PBK: variants seen among roughly 807,000 people sequenced by gnomAD.
PBK encodes PDZ binding kinase.
Under a neutral mutation model 33.5 loss-of-function variants are expected in PBK, and 22 were observed. The ratio of observed to expected loss-of-function variants is 0.66; its 90% CI spans 0.47 to 0.94. PBK has a LOEUF of 0.94. Among genes scored for constraint, PBK ranks in the 40% least tolerant of loss-of-function variants. The pLI is 0.00. For missense variants in PBK, 376 were observed against 383.4 expected, an observed-to-expected ratio of 0.98 and a Z score of 0.16; for synonymous variants, 129 against 123.8, an observed-to-expected ratio of 1.04 and a Z score of -0.28.
chr8:27,830,433 G>A (rs1260353426), intron 2 of PBK, among the ~76,000 whole-genome samples: 1 of 152,048 alleles, frequency 6.6e-6, no homozygotes, highest in Non-Finnish European at 1.5e-5. Context: ...TATCAAAAAT[G>A]AAGCAAAGAG....
intron 6 of PBK, among the ~76,000 whole-genome samples, chr8:27,816,995 C>T (rs1315022865): frequency 1.3e-5 from 2 of 152,028 alleles, no homozygotes; most frequent in African/African-American, 2.4e-5. Context: ...TTTCCCAGTA[C>T]ATAAATGTTA....
intron 3 of PBK, among the ~76,000 whole-genome samples, chr8:27,825,842 A>G (rs1806015326): frequency 1.3e-5 from 2 of 152,212 alleles, no homozygotes. Context: ...AAGAAAACCA[A>G]GCAAAAAAGA....
chr8:27,829,171 A>G (rs1806082009), intron 2 of PBK, among the ~76,000 whole-genome samples: 2 of 152,236 alleles, frequency 1.3e-5, no homozygotes, highest in Non-Finnish European at 2.9e-5. Context: ...CCAAGTACTT[A>G]TCCGCACATA....
At chr8:27,822,856 T>C (rs547900202) in intron 4 of PBK, among the ~76,000 whole-genome samples, 2 of 152,272 alleles carry the variant, frequency 1.3e-5, no homozygotes, top group Admixed American at 1.3e-4. Flanking sequence ...AATTATTATA[T>C]CTGTTCTCAT....
At chr8:27,822,256 T>G in intron 5 of PBK, 63 bp downstream of exon 5, 1 of 1,204,216 alleles carries the variant, frequency 8.3e-7, no homozygotes, top group South Asian at 1.4e-5. Flanking sequence ...TGCAAAGTGA[T>G]TATTTGTTCA....
At chr8:27,829,606 G>A (rs1228568609) in intron 2 of PBK, among the ~76,000 whole-genome samples, 20 of 152,198 alleles carry the variant, frequency 1.3e-4, no homozygotes, top group Admixed American at 3.3e-4. Context: ...GGTGGCTCAC[G>A]CCTGTAATCC....
chr8:27,810,905 T>C (rs1178539366), intron 7 of PBK, 53 bp downstream of exon 7: 1 of 1,149,240 alleles, frequency 8.7e-7, no homozygotes, highest in Non-Finnish European at 1.3e-6. Context: ...AATTATATAA[T>C]CTTTAGTGTG....
chr8:27,810,962 A>G lies in PBK; in HGVS notation c.768T>C (p.Asp256=). The G allele has an allele frequency of 6.7e-6, 10 of 1,497,628 alleles. No individual in the cohort carries two copies. The highest frequency in any genetic ancestry group is 9.3e-6 in the Non-Finnish European group (10 of 1,076,278). 92.8% of individuals were successfully genotyped at this position (1,497,628 alleles called of 1,614,324 possible). A position where few individuals can be genotyped will look rare whatever the true frequency, so the allele number is the denominator to read the frequency against. ...TGTTAGAAATTGTATTCATACCTTCATCATCATCATCATTTGAAAGATTAA... is the reference window on the plus strand; with the variant it reads ...TGTTAGAAATTGTATTCATACCTTCGTCATCATCATCATTTGAAAGATTAA... ...PHINLSNDDD[D]EDKTFDESDF... is the part of the protein sequence containing the mutation. Residue 256 remains aspartate, a synonymous_variant, in exon 7 of 8, where the codon GAT becomes GAC. Transcript: ENST00000301905.
intron 6 of PBK, chr8:27,812,755 C>G (rs2128961259): frequency 6.6e-6 from 1 of 152,092 alleles, no homozygotes; most frequent in South Asian, 2.1e-4. Flanking sequence ...AAATGCAAAT[C>G]AAAACCACAA....
At chr8:27,814,557 T>C (rs1400881520) in intron 6 of PBK, among the ~76,000 whole-genome samples, 1 of 152,172 alleles carries the variant, frequency 6.6e-6, no homozygotes, top group Non-Finnish European at 1.5e-5. Context: ...TCCTTTGGAT[T>C]TGCTCTGCTT....
intron 6 of PBK, among the ~76,000 whole-genome samples, chr8:27,817,633 TA>T (rs573753397): frequency 9.2e-5 from 14 of 151,992 alleles, no homozygotes; most frequent in Non-Finnish European, 1.6e-4. Context: ...CAGGTTATTA[TA>T]AAAAAAATGC....
At chr8:27,833,779 T>C (rs1585437191) in intron 1 of PBK, among the ~76,000 whole-genome samples, 1 of 151,614 alleles carries the variant, frequency 6.6e-6, no homozygotes, top group East Asian at 1.9e-4. Flanking sequence ...CCAGGAGCAG[T>C]TGTTAACAGC....
At chr8:27,831,275 C>A (rs960208725) in intron 2 of PBK, among the ~76,000 whole-genome samples, 1 of 151,898 alleles carries the variant, frequency 6.6e-6, no homozygotes, top group African/African-American at 2.4e-5. Flanking sequence ...ATCACTTGAG[C>A]CCAGGAGGTA....
intron 1 of PBK, among the ~76,000 whole-genome samples, chr8:27,836,283 A>C (rs1806226835): frequency 6.6e-6 from 1 of 152,110 alleles, no homozygotes; most frequent in South Asian, 2.1e-4. Flanking sequence ...AGACAAAGTC[A>C]GGGAGGCTGA....
chr8:27,819,760 T>A (rs1421136527), intron 6 of PBK, among the ~76,000 whole-genome samples: 2 of 152,178 alleles, frequency 1.3e-5, no homozygotes, highest in Non-Finnish European at 2.9e-5. Flanking sequence ...ATTTTTATTA[T>A]GTTTGACAAT....
At chr8:27,827,130 T>G (rs1806040691) in intron 3 of PBK, among the ~76,000 whole-genome samples, 1 of 152,226 alleles carries the variant, frequency 6.6e-6, no homozygotes, top group African/African-American at 2.4e-5. Context: ...TAAACCTAGA[T>G]GAAGCTAAGA....
chr8:27,825,890 T>C (rs1455697859), intron 3 of PBK, among the ~76,000 whole-genome samples: 2 of 152,088 alleles, frequency 1.3e-5, no homozygotes, highest in East Asian at 1.9e-4. Context: ...ATTCAAATAA[T>C]TGGATTCCAG....
At chr8:27,813,598 A>G (rs540861726) in intron 6 of PBK, among the ~76,000 whole-genome samples, 2 of 151,894 alleles carry the variant, frequency 1.3e-5, no homozygotes, top group Non-Finnish European at 2.9e-5. Context: ...GCTAATTAAC[A>G]TATCTATCAC....
chr8:27,812,933 C>CTT (rs936357614), intron 6 of PBK, among the ~76,000 whole-genome samples: 5 of 152,180 alleles, frequency 3.3e-5, no homozygotes, highest in African/African-American at 1.2e-4. Context: ...GGATCTAGAA[C>CTT]TAGAAATACC....
Sources: gnomAD v4.1 joint callset for allele counts (sites outside exome capture counted in the v4.1 genomes callset) on GRCh38, gnomAD v4.1.1 for gene constraint, MANE v1.5 for transcripts, NCBI Gene and HGNC (gene_info 2026-07-23, HGNC 2026-07-21) for gene names.